The following HDAC9 variants were observed in gnomAD, a reference collection of about 807,000 sequenced individuals.
HDAC9 encodes the protein MEF-2 interacting transcription repressor (MITR) protein.
In HDAC9, 41 loss-of-function variants were observed where a neutral mutation model predicts 139.4. The ratio of observed to expected loss-of-function variants is 0.29; its 90% CI spans 0.23 to 0.38. The LOEUF is 0.38. Ranked by LOEUF, HDAC9 falls within the 10% of genes least tolerant of loss-of-function variation. HDAC9 has a pLI of 1.00. For missense variants in HDAC9, 1,147 were observed against 1,297.0 expected, an observed-to-expected ratio of 0.88 and a Z score of 1.78; for synonymous variants, 517 against 476.2, an observed-to-expected ratio of 1.09 and a Z score of -1.12.
chr7:18,363,990 C>T (rs1023981180), intron 1 of HDAC9, among the ~76,000 whole-genome samples: 12 of 152,142 alleles, frequency 7.9e-5, no homozygotes, highest in African/African-American at 2.7e-4. Flanking sequence ...TGGGCTTTAT[C>T]AGATTATTTT....
chr7:18,820,941 T>A lies in HDAC9; in HGVS notation c.2323-8220T>A, dbSNP rs150326197. Among the ~76,000 whole-genome samples the A allele has an allele frequency of 8.5e-5, 13 of 152,300 alleles. No homozygotes were observed. The East Asian group carries it at 2.5e-3, about 29-fold the overall frequency. ...TACTGCTGTAACAAAATACCACAGA[T>A]GCAGTAATGTATGATAAGCAGAAAT... On this transcript the variant is annotated intron_variant, in intron 17 of 25. Transcript: ENST00000686413.
At chr7:18,850,171 A>C (rs1797183908) in intron 21 of HDAC9, among the ~76,000 whole-genome samples, 1 of 152,182 alleles carries the variant, frequency 6.6e-6, no homozygotes, top group Non-Finnish European at 1.5e-5. Context: ...TAGCATTATC[A>C]CAAATGAGTT....
intron 1 of HDAC9, among the ~76,000 whole-genome samples, chr7:18,092,377 A>G (rs1782218436): frequency 6.6e-6 from 1 of 151,588 alleles, no homozygotes; most frequent in African/African-American, 2.4e-5. Flanking sequence ...GCAACACAGT[A>G]AGACCCTATT....
At chr7:18,369,079 T>G (rs1784399159) in intron 1 of HDAC9, among the ~76,000 whole-genome samples, 1 of 152,110 alleles carries the variant, frequency 6.6e-6, no homozygotes, top group Admixed American at 6.6e-5. Context: ...CTTTTTTCCT[T>G]TTGCTCTACT....
intron 2 of HDAC9, among the ~76,000 whole-genome samples, chr7:18,531,093 G>T (rs897298190): frequency 2.0e-5 from 3 of 151,848 alleles, no homozygotes; most frequent in African/African-American, 4.8e-5. Context: ...TTAATGCATG[G>T]TAATAAGAAT....
chr7:18,942,639 A>G (rs1782100746), intron 23 of HDAC9, among the ~76,000 whole-genome samples: 1 of 152,076 alleles, frequency 6.6e-6, no homozygotes, highest in Non-Finnish European at 1.5e-5. Context: ...CAGATAATCA[A>G]TAAACAAAAT....
chr7:18,480,053 T>C (rs2520459), intron 1 of HDAC9, among the ~76,000 whole-genome samples: 34,141 of 150,784 alleles, frequency 0.23, 4,607 homozygotes, highest in East Asian at 0.44. Context: ...TCTATTTTTT[T>C]TTCCCTAGTC....
chr7:18,307,630 C>T (rs925400790), intron 1 of HDAC9, among the ~76,000 whole-genome samples: 1 of 152,088 alleles, frequency 6.6e-6, no homozygotes, highest in African/African-American at 2.4e-5. Context: ...TGGTGAAACC[C>T]TGCCTCTATT....
intron 12 of HDAC9, chr7:18,668,787 C>G: frequency 1.0e-6 from 1 of 982,422 alleles, no homozygotes; most frequent in Non-Finnish European, 1.2e-6. Flanking sequence ...GTATGTTTCC[C>G]TTCTTGCCTT....
chr7:18,311,243 T>C (rs979838582), intron 1 of HDAC9, among the ~76,000 whole-genome samples: 2 of 152,068 alleles, frequency 1.3e-5, no homozygotes, highest in Admixed American at 6.6e-5. Context: ...AGCCTACTTA[T>C]GACAAAAGCC....
At chr7:18,201,152 G>C (rs975120473) in intron 2 of HDAC9, among the ~76,000 whole-genome samples, 2 of 152,124 alleles carry the variant, frequency 1.3e-5, no homozygotes, top group African/African-American at 4.8e-5. Context: ...CTATCCGGCT[G>C]CTGAAAGATC....
intron 1 of HDAC9, among the ~76,000 whole-genome samples, chr7:18,307,323 C>T (rs775212070): frequency 3.3e-5 from 5 of 151,980 alleles, no homozygotes; most frequent in Admixed American, 6.6e-5. Flanking sequence ...AAAGTTCTGA[C>T]GTGTATTAGA....
intron 1 of HDAC9, among the ~76,000 whole-genome samples, chr7:18,139,478 T>A (rs1466889452): frequency 6.6e-6 from 1 of 152,190 alleles, no homozygotes; most frequent in Non-Finnish European, 1.5e-5. Context: ...GTAATTATGA[T>A]GCTTTACTTA....
chr7:18,137,027 G>T (rs1489369830), intron 1 of HDAC9, among the ~76,000 whole-genome samples: 1 of 141,846 alleles, frequency 7.0e-6, no homozygotes, highest in Non-Finnish European at 1.5e-5. Flanking sequence ...CACATCCCTT[G>T]TAAGTTGGAT....
intron 1 of HDAC9, among the ~76,000 whole-genome samples, chr7:18,477,543 C>CT (rs1795210575): frequency 6.6e-6 from 1 of 152,136 alleles, no homozygotes; most frequent in Non-Finnish European, 1.5e-5. Flanking sequence ...GGTGAAAATA[C>CT]TTCTTTACTA....
chr7:18,881,716 G>A (rs1012693482), intron 22 of HDAC9, among the ~76,000 whole-genome samples: 1 of 152,062 alleles, frequency 6.6e-6, no homozygotes, highest in Non-Finnish European at 1.5e-5. Flanking sequence ...TTCACCTAAT[G>A]TTATGGTTGT....
intron 2 of HDAC9, among the ~76,000 whole-genome samples, chr7:18,248,553 T>G (rs1410970867): frequency 6.6e-6 from 1 of 152,198 alleles, no homozygotes; most frequent in African/African-American, 2.4e-5. Context: ...TCAGGCACAT[T>G]GGTTCATGTC....
chr7:18,866,149 C>G (rs550587413), intron 21 of HDAC9, among the ~76,000 whole-genome samples: 1 of 150,070 alleles, frequency 6.7e-6, no homozygotes, highest in African/African-American at 2.5e-5. Context: ...ACCATCTTTC[C>G]TTTCATTCAC....
chr7:18,565,293 G>A (rs897803345), intron 2 of HDAC9, among the ~76,000 whole-genome samples: 1 of 152,214 alleles, frequency 6.6e-6, no homozygotes, highest in Admixed American at 6.5e-5. Flanking sequence ...ACTGTGCTCA[G>A]CCAAATAAAT....
Sources: gnomAD v4.1 joint callset for allele counts (sites outside exome capture counted in the v4.1 genomes callset) on GRCh38, gnomAD v4.1.1 for gene constraint, MANE v1.5 for transcripts, NCBI Gene and HGNC (gene_info 2026-07-23, HGNC 2026-07-21) for gene names.